SH3RF3: variants seen among roughly 807,000 people sequenced by gnomAD.
The protein encoded by SH3RF3 is E3 ubiquitin-protein ligase SH3RF3.
Under a neutral mutation model 66.3 loss-of-function variants are expected in SH3RF3, and 29 were observed. The observed-to-expected ratio is 0.44, with a 90% confidence interval of 0.33 to 0.60. The LOEUF (loss-of-function observed/expected upper bound fraction) is 0.60, where lower values mean the gene tolerates loss of function less well. SH3RF3 is among the 20% of genes least tolerant of loss of function. SH3RF3 has a pLI of 0.04. For synonymous variants in SH3RF3, 583 were observed against 532.0 expected, an observed-to-expected ratio of 1.10 and a Z score of -1.32; for missense variants, 1,194 against 1,190.9, an observed-to-expected ratio of 1.00 and a Z score of -0.04.
chr2:109,384,311 C>T (rs73955564), intron 3 of SH3RF3, among the ~76,000 whole-genome samples: 7,193 of 152,206 alleles, frequency 0.047, 479 homozygotes, highest in African/African-American at 0.15. Flanking sequence ...TTCTACTCTC[C>T]GTGGAGAAAG....
intron 1 of SH3RF3, among the ~76,000 whole-genome samples, chr2:109,227,468 G>A (rs1043489622): frequency 1.3e-5 from 2 of 152,210 alleles, no homozygotes; most frequent in Non-Finnish European, 2.9e-5. Context: ...GGAGTTATGA[G>A]GATGGTGACA....
chr2:109,354,882 A>C (rs912064067), intron 2 of SH3RF3, among the ~76,000 whole-genome samples: 41 of 152,390 alleles, frequency 2.7e-4, no homozygotes, highest in African/African-American at 9.1e-4. Context: ...AGGTCCTACC[A>C]TGTCACCTGA....
At chr2:109,471,494 C>T (rs1678507549) in intron 8 of SH3RF3, among the ~76,000 whole-genome samples, 1 of 152,168 alleles carries the variant, frequency 6.6e-6, no homozygotes, top group Admixed American at 6.5e-5. Context: ...CCCCTCCCTC[C>T]AGGTCCCTCT....
intron 1 of SH3RF3, among the ~76,000 whole-genome samples, chr2:109,247,543 C>A (rs1045414206): frequency 6.6e-6 from 1 of 152,218 alleles, no homozygotes; most frequent in African/African-American, 2.4e-5. Context: ...GTCCAGCCTG[C>A]TGTGCTCTTC....
intron 1 of SH3RF3, among the ~76,000 whole-genome samples, chr2:109,160,254 A>G (rs527591803): frequency 2.1e-4 from 32 of 152,332 alleles, no homozygotes; most frequent in Admixed American, 2.0e-3. Flanking sequence ...AGGGTGACCC[A>G]TGGAGTGTGA....
At chr2:109,162,628 G>T (rs977861587) in intron 1 of SH3RF3, among the ~76,000 whole-genome samples, 1 of 152,096 alleles carries the variant, frequency 6.6e-6, no homozygotes, top group African/African-American at 2.4e-5. Flanking sequence ...GTCTATCATT[G>T]TTGGACATTT....
chr2:109,321,793 C>T (rs750097410), intron 1 of SH3RF3, among the ~76,000 whole-genome samples: 5 of 152,302 alleles, frequency 3.3e-5, no homozygotes, highest in East Asian at 1.9e-4. Context: ...GATGTGTTCG[C>T]GAGGGATTGG....
chr2:109,231,143 A>G (rs986800307), intron 1 of SH3RF3, among the ~76,000 whole-genome samples: 2 of 152,212 alleles, frequency 1.3e-5, no homozygotes, highest in Admixed American at 1.3e-4. Context: ...TAGTGACCCC[A>G]TCTCCTCTCC....
intron 1 of SH3RF3, among the ~76,000 whole-genome samples, chr2:109,190,465 C>CTT (rs1459875074): frequency 6.6e-6 from 1 of 152,202 alleles, no homozygotes; most frequent in Non-Finnish European, 1.5e-5. Context: ...TGAGCCACTG[C>CTT]GCCTGGTCGA....
chr2:109,267,514 T>C (rs1291516433), intron 1 of SH3RF3, among the ~76,000 whole-genome samples: 45 of 152,176 alleles, frequency 3.0e-4, no homozygotes, highest in Non-Finnish European at 1.5e-5. Context: ...GTCTTTGTGC[T>C]TGCTTCTTTG....
At chr2:109,450,214 C>T (rs1401748825) in intron 8 of SH3RF3, among the ~76,000 whole-genome samples, 10 of 152,106 alleles carry the variant, frequency 6.6e-5, no homozygotes, top group African/African-American at 2.4e-4. Context: ...GGCATGGTGG[C>T]GTGCGCCTGT....
intron 2 of SH3RF3, among the ~76,000 whole-genome samples, chr2:109,354,233 A>G (rs1336738194): frequency 6.6e-6 from 1 of 152,210 alleles, no homozygotes; most frequent in Non-Finnish European, 1.5e-5. Context: ...TGTGCCGCCA[A>G]CGGATACTGC....
At chr2:109,207,667 A>G (rs150835642) in intron 1 of SH3RF3, among the ~76,000 whole-genome samples, 16 of 152,290 alleles carry the variant, frequency 1.1e-4, no homozygotes, top group Middle Eastern at 3.4e-3. Context: ...GGTGCCACCT[A>G]TAGAATTTGG....
rs191176154 is a variant in SH3RF3 at position 109,186,640 on chromosome 2, G to A, written c.573+56527G>A. 1.0e-3 allele frequency among the ~76,000 whole-genome samples: 156 copies of A among 152,274 alleles called. 1 individual carries two copies. Among genetic ancestry groups the A allele is most frequent in the African/African-American group, 3.6e-3 (150 of 41,556 alleles). On this transcript the variant is annotated intron_variant, in intron 1 of 9. Coordinates refer to ENST00000309415, the MANE Select transcript of SH3RF3 (RefSeq NM_001099289.3). ...CTGTTGGAATGGGGTTTTGGGTTGGGATGGAGCCCCCTAGGAAGACCCTGC... is the reference window on the plus strand; with the variant it reads ...CTGTTGGAATGGGGTTTTGGGTTGGAATGGAGCCCCCTAGGAAGACCCTGC...
At chr2:109,470,270 A>T (rs1156339188) in intron 8 of SH3RF3, among the ~76,000 whole-genome samples, 1 of 152,160 alleles carries the variant, frequency 6.6e-6, no homozygotes, top group Non-Finnish European at 1.5e-5. Context: ...TAGAAGGATG[A>T]CCCACAGCAC....
At chr2:109,316,767 T>C (rs1244287430) in intron 1 of SH3RF3, among the ~76,000 whole-genome samples, 6 of 152,208 alleles carry the variant, frequency 3.9e-5, no homozygotes, top group South Asian at 2.1e-4. Context: ...CACTCAGTAC[T>C]TTCCCTGCCC....
chr2:109,173,712 G>A (rs865884471), intron 1 of SH3RF3, among the ~76,000 whole-genome samples: 3 of 152,174 alleles, frequency 2.0e-5, no homozygotes, highest in Admixed American at 6.5e-5. Flanking sequence ...TGGGAAATCC[G>A]CTGTCTGGAG....
Position 109,504,189 on chromosome 2 carries a change from G to T in SH3RF3, c.*2518G>T, listed in dbSNP as rs911986496. The stretch of plus-strand genomic sequence containing the variant: ...TTGCCTCAAAGGGTACACATGTTTG[G>T]CGGTTAAGATGAAACTAACCCTTAT... On this transcript the variant is annotated 3_prime_UTR_variant, in exon 10 of 10. Coordinates refer to ENST00000309415, the MANE Select transcript of SH3RF3 (RefSeq NM_001099289.3). 6 of 152,222 alleles carry T rather than the reference G, an allele frequency of 3.9e-5. No individual in the cohort carries two copies. The highest frequency in any genetic ancestry group is 1.4e-4 in the African/African-American group (6 of 41,440). 9.4% of individuals were successfully genotyped at this position (152,222 alleles called of 1,614,324 possible). A position where few individuals can be genotyped will look rare whatever the true frequency, so the allele number is the denominator to read the frequency against.
chr2:109,179,189 G>A lies in SH3RF3; in HGVS notation c.573+49076G>A, dbSNP rs557317539. ...AGAGAAATACGTATCTTGCAGCTGC[G>A]TGGAAATTGAGATAATCAAAATTAG... On this transcript the variant is annotated intron_variant, in intron 1 of 9. Coordinates refer to ENST00000309415, the MANE Select transcript of SH3RF3 (RefSeq NM_001099289.3). Among the ~76,000 whole-genome samples, 22 of 152,270 alleles carry A rather than the reference G, an allele frequency of 1.4e-4. No homozygotes were observed. In the South Asian group the frequency reaches 3.1e-3, roughly 22 times the overall value.
Sources: gnomAD v4.1 joint callset for allele counts (sites outside exome capture counted in the v4.1 genomes callset) on GRCh38, gnomAD v4.1.1 for gene constraint, MANE v1.5 for transcripts, NCBI Gene and HGNC (gene_info 2026-07-23, HGNC 2026-07-21) for gene names.